Variants in KDM4C observed in about 807,000 individuals in gnomAD.
KDM4C encodes lysine demethylase 4C, also known as lysine-specific demethylase 4C.
Under a neutral mutation model 129.3 loss-of-function variants are expected in KDM4C, and 81 were observed. The ratio of observed to expected loss-of-function variants is 0.63; its 90% CI spans 0.52 to 0.75. The LOEUF (loss-of-function observed/expected upper bound fraction) is 0.75, where lower values mean the gene tolerates loss of function less well. Among genes scored for constraint, KDM4C ranks in the 30% least tolerant of loss-of-function variants. KDM4C has a pLI of 0.00. For synonymous variants in KDM4C, 573 were observed against 456.1 expected, an observed-to-expected ratio of 1.26 and a Z score of -3.26; for missense variants, 1,457 against 1,304.0, an observed-to-expected ratio of 1.12 and a Z score of -1.81.
At chr9:7,074,837 G>A (rs929740203) in intron 17 of KDM4C, among the ~76,000 whole-genome samples, 3 of 152,096 alleles carry the variant, frequency 2.0e-5, no homozygotes, top group Admixed American at 6.6e-5. Context: ...ATGCTGATAC[G>A]TTTTTATTTC....
intron 17 of KDM4C, among the ~76,000 whole-genome samples, chr9:7,083,885 C>T (rs72703381): frequency 2.3e-3 from 349 of 152,034 alleles, no homozygotes; most frequent in African/African-American, 8.0e-3. Context: ...AATTCCTCAA[C>T]GGGGATTTTT....
chr9:6,855,862 C>T (rs1447966929), intron 5 of KDM4C, among the ~76,000 whole-genome samples: 1 of 152,050 alleles, frequency 6.6e-6, no homozygotes, highest in Non-Finnish European at 1.5e-5. Context: ...GTTGGGGAGC[C>T]CCACTATTCA....
intron 3 of KDM4C, among the ~76,000 whole-genome samples, chr9:6,806,090 G>T (rs1829912950): frequency 6.6e-6 from 1 of 152,162 alleles, no homozygotes; most frequent in Non-Finnish European, 1.5e-5. Flanking sequence ...GTTTGATAAT[G>T]TTTAAGCCTT....
At chr9:6,759,798 C>A (rs888084652) in intron 1 of KDM4C, among the ~76,000 whole-genome samples, 3 of 151,632 alleles carry the variant, frequency 2.0e-5, no homozygotes, top group African/African-American at 7.3e-5. Flanking sequence ...ACCAAAAATT[C>A]AAAAATTAGC....
intron 17 of KDM4C, among the ~76,000 whole-genome samples, chr9:7,052,751 G>A (rs1308902419): frequency 1.3e-5 from 2 of 152,058 alleles, no homozygotes; most frequent in Non-Finnish European, 2.9e-5. Context: ...CAGCAGCAAG[G>A]GCTGCATCTC....
chr9:7,005,105 A>G (rs556557288), intron 12 of KDM4C, among the ~76,000 whole-genome samples: 49 of 152,292 alleles, frequency 3.2e-4, no homozygotes, highest in African/African-American at 1.1e-3. Context: ...GTAGAAAGCA[A>G]TTAAGCACCC....
At chr9:7,047,716 A>G (rs952169709) in intron 16 of KDM4C, among the ~76,000 whole-genome samples, 8 of 152,010 alleles carry the variant, frequency 5.3e-5, no homozygotes, top group African/African-American at 1.9e-4. Context: ...TAAAATTGAG[A>G]GATTTTTACA....
chr9:6,829,318 G>A (rs1397457597), intron 4 of KDM4C, among the ~76,000 whole-genome samples: 1 of 152,248 alleles, frequency 6.6e-6, no homozygotes, highest in African/African-American at 2.4e-5. Flanking sequence ...AGCTGAGCCT[G>A]TTTTGTGAGT....
intron 7 of KDM4C, among the ~76,000 whole-genome samples, chr9:6,889,214 TGTG>T (rs1326112254): frequency 1.4e-4 from 8 of 56,854 alleles, no homozygotes; most frequent in Non-Finnish European, 3.4e-4. Context: ...CTTCTTTTTG[TGTG>T]TGTGTGTGTG....
At chr9:6,953,743 A>G (rs1757988551) in intron 8 of KDM4C, among the ~76,000 whole-genome samples, 3 of 152,246 alleles carry the variant, frequency 2.0e-5, no homozygotes, top group Admixed American at 2.0e-4. Context: ...AGAATTAGTT[A>G]TGAGTAATAG....
At chr9:6,890,523 C>A (rs1845967399) in intron 7 of KDM4C, among the ~76,000 whole-genome samples, 1 of 152,082 alleles carries the variant, frequency 6.6e-6, no homozygotes, top group Non-Finnish European at 1.5e-5. Flanking sequence ...TAGATTATAT[C>A]CACTCTCTTC....
intron 17 of KDM4C, among the ~76,000 whole-genome samples, chr9:7,052,292 A>G (rs575516793): frequency 3.2e-4 from 49 of 152,372 alleles, no homozygotes; most frequent in African/African-American, 1.2e-3. Flanking sequence ...TGGAAATTGA[A>G]CAACCAAATT....
At chr9:6,953,033 T>G (rs989228400) in intron 8 of KDM4C, among the ~76,000 whole-genome samples, 2 of 152,240 alleles carry the variant, frequency 1.3e-5, no homozygotes, top group Admixed American at 1.3e-4. Context: ...TATGATAAAA[T>G]GTAATGCATT....
At chr9:6,938,343 A>C (rs1465374124) in intron 8 of KDM4C, among the ~76,000 whole-genome samples, 1 of 152,196 alleles carries the variant, frequency 6.6e-6, no homozygotes, top group African/African-American at 2.4e-5. Context: ...GATGACCCAG[A>C]GAGTGCAGCT....
At position 7,146,885 on chromosome 9, in the gene KDM4C, C is replaced by G. The variant is rs80152208; in HGVS notation, c.2782-18353C>G. On this transcript the variant is annotated intron_variant, in intron 19 of 21. Transcript: ENST00000381309. Reference sequence around the variant, plus strand: ...TGTGTTCTGTTGTAGCCTCCTTTCTCTCGTAGTCAGGGTTCTTGGCTTCTC... The same window carrying G: ...TGTGTTCTGTTGTAGCCTCCTTTCTGTCGTAGTCAGGGTTCTTGGCTTCTC... 2.1e-3 allele frequency among the ~76,000 whole-genome samples: 323 copies of G among 152,298 alleles called. 1 individual carries two copies. The highest frequency in any genetic ancestry group is 6.8e-3 in the Middle Eastern group (2 of 294).
At chr9:7,142,941 C>T (rs1330303815) in intron 19 of KDM4C, among the ~76,000 whole-genome samples, 1 of 152,128 alleles carries the variant, frequency 6.6e-6, no homozygotes, top group Admixed American at 6.5e-5. Flanking sequence ...GGAATTACAT[C>T]CTGTATATTG....
At chr9:7,123,243 A>G (rs1292956848) in intron 18 of KDM4C, among the ~76,000 whole-genome samples, 1 of 152,192 alleles carries the variant, frequency 6.6e-6, no homozygotes, top group Non-Finnish European at 1.5e-5. Context: ...ATCTGGAGCC[A>G]GCCTCTTCCT....
rs556032924 is a variant in KDM4C at position 6,762,713 on chromosome 9, C to T, written c.-18+4510C>T. Among the ~76,000 whole-genome samples the T allele has an allele frequency of 1.6e-3, 233 of 149,100 alleles. 1 individual carries two copies. Among genetic ancestry groups the T allele is most frequent in the African/African-American group, 5.6e-3 (227 of 40,514 alleles). ...CGCCCTTGTTGCCCAGGCTGGAGTG[C>T]AGTGGTGTGATTTTGGCTCACTGCA... is the stretch of plus-strand genomic sequence containing the variant. On this transcript the variant is annotated intron_variant, in intron 1 of 21. Coordinates refer to ENST00000381309, the MANE Select transcript of KDM4C (RefSeq NM_015061.6).
intron 15 of KDM4C, among the ~76,000 whole-genome samples, chr9:7,038,433 C>T (rs1828013736): frequency 1.3e-5 from 2 of 152,062 alleles, no homozygotes; most frequent in Non-Finnish European, 1.5e-5. Context: ...TTTAACTTTC[C>T]TTAGTGTTTT....
Sources: allele counts gnomAD v4.1 joint callset (sites outside exome capture counted in the v4.1 genomes callset), GRCh38; gene constraint gnomAD v4.1.1; transcripts MANE v1.5; gene names NCBI Gene and HGNC (gene_info 2026-07-23, HGNC 2026-07-21).